PTPRM: variants seen among roughly 807,000 people sequenced by gnomAD.
The protein encoded by PTPRM is receptor-type tyrosine-protein phosphatase mu.
A neutral mutation model predicts 186.7 loss-of-function variants in PTPRM; 47 were observed. The ratio of observed to expected loss-of-function variants is 0.25; its 90% CI spans 0.20 to 0.32. The LOEUF is 0.32. PTPRM is among the 10% of genes least tolerant of loss of function. PTPRM has a pLI of 1.00. For synonymous variants in PTPRM, 668 were observed against 674.9 expected (o/e 0.99, Z 0.16); for missense variants, 1,494 against 1,865.0 (o/e 0.80, Z 3.66).
At chr18:8,073,622 G>A (rs1310102256) in intron 8 of PTPRM, among the ~76,000 whole-genome samples, 1 of 152,140 alleles carries the variant, frequency 6.6e-6, no homozygotes, top group South Asian at 2.1e-4. Context: ...AATTAACTTG[G>A]CTGGGTATAG....
intron 1 of PTPRM, among the ~76,000 whole-genome samples, chr18:7,640,153 T>A (rs1157278211): frequency 1.3e-5 from 2 of 152,286 alleles, no homozygotes; most frequent in African/African-American, 4.8e-5. Flanking sequence ...TTCCTATATC[T>A]TAGAATGTTA....
intron 2 of PTPRM, among the ~76,000 whole-genome samples, chr18:7,870,971 G>A (rs1368365800): frequency 6.6e-6 from 1 of 152,148 alleles, no homozygotes; most frequent in East Asian, 1.9e-4. Context: ...GTGGGAGTTC[G>A]CCTCCCTGGA....
chr18:7,760,066 T>A (rs1398881215), intron 1 of PTPRM, among the ~76,000 whole-genome samples: 2 of 151,974 alleles, frequency 1.3e-5, no homozygotes, highest in African/African-American at 4.8e-5. Context: ...AGATAGGGAG[T>A]CTGGCCAGCT....
At chr18:8,222,905 T>C (rs1199697406) in intron 14 of PTPRM, among the ~76,000 whole-genome samples, 1 of 137,236 alleles carries the variant, frequency 7.3e-6, no homozygotes, top group Non-Finnish European at 1.6e-5. Flanking sequence ...TTGGGCAATA[T>C]AGTGAGACCC....
At chr18:7,969,288 T>C (rs1250948019) in intron 7 of PTPRM, among the ~76,000 whole-genome samples, 4 of 138,784 alleles carry the variant, frequency 2.9e-5, no homozygotes, top group Non-Finnish European at 6.2e-5. Context: ...TACCAGAATC[T>C]CTGGGACACA....
chr18:7,944,776 A>G (rs1490662852), intron 5 of PTPRM, among the ~76,000 whole-genome samples: 1 of 152,036 alleles, frequency 6.6e-6, no homozygotes, highest in East Asian at 1.9e-4. Context: ...CTTATTCACT[A>G]GACTTTTCCT....
At chr18:7,946,353 T>A (rs532257401) in intron 5 of PTPRM, among the ~76,000 whole-genome samples, 1 of 152,314 alleles carries the variant, frequency 6.6e-6, no homozygotes, top group African/African-American at 2.4e-5. Flanking sequence ...AATAGATAAA[T>A]AAATGGATAG....
intron 14 of PTPRM, among the ~76,000 whole-genome samples, chr18:8,214,352 C>G (rs1446064211): frequency 1.3e-5 from 2 of 152,182 alleles, no homozygotes; most frequent in African/African-American, 4.8e-5. Flanking sequence ...GGTGTTGTAT[C>G]TATAGCAACA....
intron 14 of PTPRM, among the ~76,000 whole-genome samples, chr18:8,186,082 G>T (rs915576811): frequency 6.6e-6 from 1 of 152,086 alleles, no homozygotes; most frequent in Non-Finnish European, 1.5e-5. Context: ...AGAATAAAAA[G>T]TATTGGAGGC....
chr18:8,125,093 A>ATAGCCAC (rs1489259094), intron 13 of PTPRM, among the ~76,000 whole-genome samples: 2 of 151,834 alleles, frequency 1.3e-5, no homozygotes, highest in Non-Finnish European at 2.9e-5. Context: ...GCCAGGCATG[A>ATAGCCAC]TAGCCACTCA....
intron 23 of PTPRM, among the ~76,000 whole-genome samples, chr18:8,351,166 A>G (rs2095532113): frequency 6.6e-6 from 1 of 152,166 alleles, no homozygotes; most frequent in African/African-American, 2.4e-5. Context: ...CACCCTTTCT[A>G]AGAAGGAAAC....
chr18:8,085,558 G>C, intron 9 of PTPRM, 113 bp from the exon 10 acceptor site: 1 of 895,278 alleles, frequency 1.1e-6, no homozygotes, highest in East Asian at 2.5e-5. Context: ...AGTCTGAGTA[G>C]GAGCTTATCA....
At chr18:8,314,270 T>C (rs1601766743) in intron 20 of PTPRM, among the ~76,000 whole-genome samples, 1 of 152,166 alleles carries the variant, frequency 6.6e-6, no homozygotes, top group East Asian at 1.9e-4. Context: ...TGATGGATGG[T>C]GACAGCTTTG....
At chr18:7,906,972 A>G (rs1015515956) in intron 4 of PTPRM, among the ~76,000 whole-genome samples, 9 of 152,206 alleles carry the variant, frequency 5.9e-5, no homozygotes, top group Admixed American at 3.9e-4. Flanking sequence ...CTTAGTATTT[A>G]TCACATGGTT....
intron 7 of PTPRM, among the ~76,000 whole-genome samples, chr18:7,961,862 C>T (rs1263051357): frequency 6.6e-6 from 1 of 152,126 alleles, no homozygotes; most frequent in African/African-American, 2.4e-5. Context: ...CTGCGTAGAG[C>T]TATATATTTG....
chr18:7,923,893 G>A (rs1293074577), intron 4 of PTPRM, among the ~76,000 whole-genome samples: 6 of 152,172 alleles, frequency 3.9e-5, no homozygotes, highest in African/African-American at 1.4e-4. Context: ...ATGGGTCCCC[G>A]TATTTTCCCT....
intron 7 of PTPRM, among the ~76,000 whole-genome samples, chr18:7,982,119 C>CTTCCTTAAA (rs1477801636): frequency 6.6e-5 from 10 of 152,042 alleles, no homozygotes; most frequent in Non-Finnish European, 1.3e-4. Context: ...TTAACCCTAG[C>CTTCCTTAAA]TTCCTTAAAC....
At chr18:8,388,613 A>G (rs2095792594) in intron 31 of PTPRM, among the ~76,000 whole-genome samples, 1 of 152,036 alleles carries the variant, frequency 6.6e-6, no homozygotes, top group South Asian at 2.1e-4. Context: ...TATTAACCTC[A>G]CCTTTCTCTA....
chr18:8,005,845 A>C (rs906067879), intron 7 of PTPRM, among the ~76,000 whole-genome samples: 1 of 152,194 alleles, frequency 6.6e-6, no homozygotes, highest in Non-Finnish European at 1.5e-5. Context: ...AAGCCTTTTA[A>C]TTTCTAATTG....
Sources: gnomAD v4.1 joint callset for allele counts (sites outside exome capture counted in the v4.1 genomes callset) on GRCh38, gnomAD v4.1.1 for gene constraint, MANE v1.5 for transcripts, NCBI Gene and HGNC (gene_info 2026-07-23, HGNC 2026-07-21) for gene names.